The following LTBP2 variants were observed in gnomAD, a reference collection of about 807,000 sequenced individuals.
The protein encoded by LTBP2 is latent-transforming growth factor beta-binding protein 2.
A neutral mutation model predicts 210.6 loss-of-function variants in LTBP2; 103 were observed. That is an observed-to-expected ratio of 0.49 (90% CI 0.42 to 0.58). The LOEUF is 0.58. Ranked by LOEUF, LTBP2 falls within the 20% of genes least tolerant of loss-of-function variation. The pLI is 0.00. For missense variants in LTBP2, 2,313 were observed against 2,494.5 expected (o/e 0.93, Z 1.55); for synonymous variants, 1,007 against 1,015.0 (o/e 0.99, Z 0.15).
chr14:74,604,164 C>CAAA lies in LTBP2; in HGVS notation c.495-462_495-460dup, dbSNP rs59313477. Among the ~76,000 whole-genome samples, 333 of 72,734 alleles carry CAAA rather than the reference C, an allele frequency of 4.6e-3. 6 individuals carry two copies. Among genetic ancestry groups the CAAA allele is most frequent in the Admixed American group, 7.2e-3 (40 of 5,542 alleles). The allele number at this position is 72,734 out of a possible 152,430, so 47.7% of individuals were successfully genotyped here. On this transcript the variant is annotated intron_variant, in intron 1 of 35. Transcript: ENST00000261978. ...GCTCCAACTCTACATTGCCTCTCAC[C>CAAA]AAAAAAAAAAAAAAAAAAAACCACA...
chr14:74,501,367 C>G, intron 35 of LTBP2, 74 bp downstream of exon 35: 1 of 1,608,386 alleles, frequency 6.2e-7, no homozygotes, highest in Admixed American at 1.7e-5. Context: ...AGTGGCTCTT[C>G]CAGCCTTCCT....
At chr14:74,549,332 GAATT>G (rs1054206421) in intron 8 of LTBP2, among the ~76,000 whole-genome samples, 15 of 126,778 alleles carry the variant, frequency 1.2e-4, no homozygotes, top group Middle Eastern at 4.2e-3. Flanking sequence ...ATGAATGAAT[GAATT>G]AACACATGTT....
intron 19 of LTBP2, 126 bp downstream of exon 19, chr14:74,511,119 G>C (rs2087065840): frequency 2.0e-6 from 3 of 1,470,030 alleles, no homozygotes; most frequent in Non-Finnish European, 2.8e-6. Flanking sequence ...AACCCAGCTA[G>C]ATCATGGAGG....
chr14:74,499,388 ATAAT>A lies in LTBP2; in HGVS notation c.*1492_*1495del, dbSNP rs778822852. 4.5e-6 allele frequency: 1 copy of A among 223,744 alleles called. No homozygotes were observed. The highest frequency in any genetic ancestry group is 8.9e-6 in the Non-Finnish European group (1 of 111,868). The allele number at this position is 223,744 out of a possible 1,614,324, so 13.9% of individuals were successfully genotyped here. ...AAACAATAGTAAGTAGGATTATTGG[ATAAT>A]TAAATGAAATGTATGTATGGCACTC... On this transcript the variant is annotated 3_prime_UTR_variant, in exon 36 of 36. Coordinates refer to ENST00000261978, the MANE Select transcript of LTBP2 (RefSeq NM_000428.3).
chr14:74,528,177 C>T (rs1677668003), intron 12 of LTBP2, among the ~76,000 whole-genome samples: 1 of 152,224 alleles, frequency 6.6e-6, no homozygotes, highest in South Asian at 2.1e-4. Flanking sequence ...CCAGAAGCTG[C>T]ATGGCCAGAG....
At chr14:74,567,442 C>G (rs982296199) in intron 3 of LTBP2, among the ~76,000 whole-genome samples, 2 of 152,190 alleles carry the variant, frequency 1.3e-5, no homozygotes, top group African/African-American at 4.8e-5. Context: ...TGGGCTCACA[C>G]CCGGGCCACC....
intron 3 of LTBP2, among the ~76,000 whole-genome samples, chr14:74,576,335 T>C (rs1314953909): frequency 6.6e-6 from 1 of 152,132 alleles, no homozygotes. Flanking sequence ...GCCTGCTATA[T>C]CCTGGGCACC....
intron 3 of LTBP2, among the ~76,000 whole-genome samples, chr14:74,575,683 A>G (rs556070542): frequency 6.6e-6 from 1 of 152,318 alleles, no homozygotes; most frequent in South Asian, 2.1e-4. Flanking sequence ...GGGACCCTCC[A>G]CAAGCCTTAG....
Position 74,551,116 on chromosome 14 carries a change from G to A in LTBP2, c.1634C>T (p.Pro545Leu), listed in dbSNP as rs1388504303. 1.9e-6 allele frequency: 3 copies of A among 1,613,858 alleles called. No homozygotes were observed. The highest frequency in any genetic ancestry group is 3.3e-4 in the Middle Eastern group (2 of 6,062). The part of the protein sequence containing the change: ...EPPRPLPPAA[P>L]RPRGLLGRCY... ...CCGGCCCAGCAGTCCTCGAGGCCTG[G>A]GTGCTGCTGGGGGCAGTGGCCGAGG... Residue 545 changes from proline (P) to leucine (L), a missense_variant, in exon 7 of 36, where the codon CCC (proline) becomes CTC (leucine). Transcript: ENST00000261978.
Position 74,523,941 on chromosome 14 carries a change from C to T in LTBP2, c.2531-1023G>A, listed in dbSNP as rs936891195. Among the ~76,000 whole-genome samples, 20 of 152,260 alleles carry T rather than the reference C, an allele frequency of 1.3e-4. No homozygotes were observed. In the East Asian group the frequency reaches 3.9e-3, roughly 29 times the overall value. On this transcript the variant is annotated intron_variant, in intron 15 of 35. Transcript: ENST00000261978. ...ATGTGCACCCAAGGCTACCCTCTCC[C>T]CGGGCCTGGCTCTAAGTTTGTGTCA...
intron 3 of LTBP2, among the ~76,000 whole-genome samples, chr14:74,569,627 G>T (rs536779563): frequency 6.6e-5 from 10 of 152,152 alleles, no homozygotes; most frequent in Non-Finnish European, 1.5e-4. Flanking sequence ...AATGAGATTT[G>T]TCCACTGGTA....
intron 3 of LTBP2, among the ~76,000 whole-genome samples, chr14:74,564,223 ATATATATATT>A (rs1267773895): frequency 2.1e-3 from 29 of 14,062 alleles, no homozygotes; most frequent in Admixed American, 2.9e-3. Flanking sequence ...ATATATATTT[ATATATATATT>A]TATATATATT....
chr14:74,534,346 C>G (rs17100917), intron 9 of LTBP2, among the ~76,000 whole-genome samples: 6,115 of 152,264 alleles, frequency 0.04, 201 homozygotes, highest in African/African-American at 0.088. Context: ...TGGCATCTCC[C>G]GTGTGTACAC....
chr14:74,590,586 C>G (rs2088268585), intron 2 of LTBP2, among the ~76,000 whole-genome samples: 1 of 151,656 alleles, frequency 6.6e-6, no homozygotes, highest in Admixed American at 6.6e-5. Flanking sequence ...TGAGACTCTG[C>G]CTCAAAAAAA....
Position 74,567,122 on chromosome 14 carries a change from G to T in LTBP2, c.831-11429C>A, listed in dbSNP as rs61980890. Among the ~76,000 whole-genome samples, 753 of 152,270 alleles carry T rather than the reference G, an allele frequency of 4.9e-3. 17 individuals are homozygous for T. The South Asian group carries it at 0.08, about 16-fold the overall frequency. On this transcript the variant is annotated intron_variant, in intron 3 of 35. Transcript: ENST00000261978. Reference sequence around the variant, plus strand: ...AGACGGAGGGAGGCATGAGCTCTGCGTGTCGGGGTTAATGTCAGGGAGGGG... The same window carrying T: ...AGACGGAGGGAGGCATGAGCTCTGCTTGTCGGGGTTAATGTCAGGGAGGGG...
chr14:74,508,699 C>T lies in LTBP2; in HGVS notation c.3557G>A (p.Cys1186Tyr). 6.2e-7 allele frequency: 1 copy of T among 1,613,792 alleles called. No individual in the cohort carries two copies. Among genetic ancestry groups the T allele is most frequent in the Non-Finnish European group, 8.5e-7 (1 of 1,179,998 alleles). Residue 1186 changes from cysteine (C) to tyrosine (Y), a missense_variant, in exon 24 of 36, where the codon TGC (cysteine) becomes TAC (tyrosine). This residue lies in a region of LTBP2 where 1,867 missense variants were observed against 1,976.9 expected (regional missense o/e 0.94). Transcript: ENST00000261978. ...GTTGAGGCACTCGCCGTGGGGTGCG[C>T]AGTGCTCCTCCCCCATGCACTCATT... ...DVNECMGEEH[C>Y]APHGECLNSH...
intron 8 of LTBP2, among the ~76,000 whole-genome samples, chr14:74,547,119 TC>T (rs1021676089): frequency 6.6e-6 from 1 of 152,158 alleles, no homozygotes; most frequent in Non-Finnish European, 1.5e-5. Context: ...GCTCCCACTG[TC>T]CCCTCCAATC....
At chr14:74,543,111 G>A (rs1270348033) in intron 8 of LTBP2, among the ~76,000 whole-genome samples, 1 of 144,468 alleles carries the variant, frequency 6.9e-6, no homozygotes, top group Non-Finnish European at 1.5e-5. Context: ...GGGCACGGTG[G>A]TTCACATCTG....
At chr14:74,600,871 G>T (rs2088437129) in intron 2 of LTBP2, among the ~76,000 whole-genome samples, 1 of 152,180 alleles carries the variant, frequency 6.6e-6, no homozygotes, top group South Asian at 2.1e-4. Flanking sequence ...GCGTTCCTGG[G>T]AGCTGGTTAG....
Sources: gnomAD v4.1 joint callset for allele counts (sites outside exome capture counted in the v4.1 genomes callset) on GRCh38, gnomAD v4.1.1 for gene constraint, gnomAD v4.1.1 regional missense constraint, MANE v1.5 for transcripts, NCBI Gene and HGNC (gene_info 2026-07-23, HGNC 2026-07-21) for gene names.